NCKAP5: variants seen among roughly 807,000 people sequenced by gnomAD.
The protein encoded by NCKAP5 is NCK associated protein 5.
A neutral mutation model predicts 167.0 loss-of-function variants in NCKAP5; 92 were observed. The observed-to-expected ratio is 0.55, with a 90% CI of 0.47 to 0.66. The LOEUF (loss-of-function observed/expected upper bound fraction) is 0.66, where lower values mean the gene tolerates loss of function less well. Among genes scored for constraint, NCKAP5 ranks in the 30% least tolerant of loss-of-function variants. The pLI is 0.00. For missense variants in NCKAP5, 2,378 were observed against 2,315.0 expected, an observed-to-expected ratio of 1.03 and a Z score of -0.56; for synonymous variants, 891 against 877.4, an observed-to-expected ratio of 1.02 and a Z score of -0.27.
the NCKAP5 span, among the ~76,000 whole-genome samples, chr2:133,601,730 AAATAAATAAATAAAT>A: frequency 2.0e-5 from 3 of 152,076 alleles, no homozygotes; most frequent in Non-Finnish European, 4.4e-5. Flanking sequence ...AGGACTCAAT[AAATAAATAAATAAAT>A]AATAAATAAA....
the NCKAP5 span, among the ~76,000 whole-genome samples, chr2:133,643,232 T>C: frequency 6.6e-6 from 1 of 152,224 alleles, no homozygotes; most frequent in Non-Finnish European, 1.5e-5. Context: ...TTACCAATGT[T>C]ATACAGCCAT....
intron 6 of NCKAP5, among the ~76,000 whole-genome samples, chr2:133,045,520 A>G (rs536715270): frequency 6.6e-6 from 1 of 152,212 alleles, no homozygotes; most frequent in East Asian, 1.9e-4. Flanking sequence ...CTTAATCTAG[A>G]TGTTGCGAAG....
At chr2:132,858,054 G>T (rs1225897327) in intron 11 of NCKAP5, among the ~76,000 whole-genome samples, 1 of 152,046 alleles carries the variant, frequency 6.6e-6, no homozygotes, top group Admixed American at 6.5e-5. Context: ...TTCTTTTCAG[G>T]TAGCAACTTT....
intron 3 of NCKAP5, among the ~76,000 whole-genome samples, chr2:133,316,963 T>C (rs1681649065): frequency 6.6e-6 from 1 of 152,196 alleles, no homozygotes; most frequent in South Asian, 2.1e-4. Flanking sequence ...TCACCATGAC[T>C]GACCAGCATG....
intron 3 of NCKAP5, chr2:133,391,159 T>C (rs910108340): frequency 3.3e-5 from 5 of 152,238 alleles, no homozygotes; most frequent in African/African-American, 1.2e-4. Context: ...TGAGGCTCAA[T>C]CTTGGGAGCT....
intron 6 of NCKAP5, among the ~76,000 whole-genome samples, chr2:133,072,503 A>G (rs1017271709): frequency 5.3e-5 from 8 of 150,694 alleles, no homozygotes; most frequent in Non-Finnish European, 1.0e-4. Context: ...CACCCACCCC[A>G]CTCCCCGATC....
At chr2:132,739,575 G>T (rs1432235835) in intron 16 of NCKAP5, among the ~76,000 whole-genome samples, 1 of 152,124 alleles carries the variant, frequency 6.6e-6, no homozygotes, top group Non-Finnish European at 1.5e-5. Flanking sequence ...ATAACCGGTT[G>T]TCAGGGAGAA....
intron 7 of NCKAP5, among the ~76,000 whole-genome samples, chr2:132,988,223 G>C (rs1197933204): frequency 6.6e-6 from 1 of 152,094 alleles, no homozygotes; most frequent in East Asian, 1.9e-4. Flanking sequence ...CCAGCACTTT[G>C]GGAGGCTGAG....
At chr2:133,505,605 T>C (rs1300065140) in intron 3 of NCKAP5, among the ~76,000 whole-genome samples, 5 of 152,222 alleles carry the variant, frequency 3.3e-5, no homozygotes, top group Non-Finnish European at 7.4e-5. Context: ...CCTCTACTAA[T>C]AGATGAGAAC....
At chr2:132,954,314 G>A (rs1462853170) in intron 8 of NCKAP5, among the ~76,000 whole-genome samples, 1 of 152,150 alleles carries the variant, frequency 6.6e-6, no homozygotes, top group Non-Finnish European at 1.5e-5. Context: ...GCCCCTTGGA[G>A]CATGTGGGTT....
intron 3 of NCKAP5, among the ~76,000 whole-genome samples, chr2:133,442,532 C>A (rs910910829): frequency 3.9e-5 from 6 of 152,202 alleles, no homozygotes; most frequent in Non-Finnish European, 8.8e-5. Flanking sequence ...TCCAAGCCCC[C>A]AACCCCACTG....
chr2:133,671,602 G>A, the NCKAP5 span, among the ~76,000 whole-genome samples: 1 of 152,080 alleles, frequency 6.6e-6, no homozygotes, highest in East Asian at 1.9e-4. Flanking sequence ...TCAGGACTCT[G>A]CAGAGTCTCC....
the NCKAP5 span, among the ~76,000 whole-genome samples, chr2:133,661,768 C>A: frequency 8.5e-5 from 13 of 152,188 alleles, no homozygotes; most frequent in African/African-American, 2.7e-4. Flanking sequence ...CCTGACCATG[C>A]TTTACCACAG....
At chr2:133,669,214 C>G in the NCKAP5 span, among the ~76,000 whole-genome samples, 1 of 152,186 alleles carries the variant, frequency 6.6e-6, no homozygotes, top group Non-Finnish European at 1.5e-5. Context: ...AAATGCCACA[C>G]AGCTCACTGT....
At chr2:132,895,634 T>C (rs972879885) in intron 8 of NCKAP5, among the ~76,000 whole-genome samples, 1 of 151,946 alleles carries the variant, frequency 6.6e-6, no homozygotes, top group Non-Finnish European at 1.5e-5. Flanking sequence ...CAACAGGTGC[T>C]GATGATTACT....
intron 6 of NCKAP5, among the ~76,000 whole-genome samples, chr2:133,081,498 C>T (rs1252766346): frequency 6.6e-6 from 1 of 152,158 alleles, no homozygotes; most frequent in Non-Finnish European, 1.5e-5. Flanking sequence ...CCCTTGCATC[C>T]AAGCTAACAA....
intron 3 of NCKAP5, among the ~76,000 whole-genome samples, chr2:133,464,722 A>G (rs1692432405): frequency 1.3e-5 from 2 of 152,202 alleles, no homozygotes; most frequent in African/African-American, 4.8e-5. Context: ...ATAAATGTGG[A>G]AATAAGTTAA....
intron 19 of NCKAP5, among the ~76,000 whole-genome samples, chr2:132,681,725 G>A (rs780510231): frequency 6.6e-6 from 1 of 152,088 alleles, no homozygotes; most frequent in Non-Finnish European, 1.5e-5. Flanking sequence ...GTTTTTATGA[G>A]GTATGCGGCG....
chr2:133,129,092 C>CTTT (rs58355335), intron 6 of NCKAP5, among the ~76,000 whole-genome samples: 5 of 143,930 alleles, frequency 3.5e-5, no homozygotes, highest in East Asian at 2.0e-4. Context: ...TTTGGCTGGC[C>CTTT]TTTTTTTTTT....
Sources: allele counts gnomAD v4.1 joint callset (sites outside exome capture counted in the v4.1 genomes callset), GRCh38; gene constraint gnomAD v4.1.1; transcripts MANE v1.5; gene names NCBI Gene and HGNC (gene_info 2026-07-23, HGNC 2026-07-21).